WDR37: variants seen among roughly 807,000 people sequenced by gnomAD.
The protein encoded by WDR37 is WD repeat domain 37.
Under a neutral mutation model 62.9 loss-of-function variants are expected in WDR37, and 19 were observed. The ratio of observed to expected loss-of-function variants is 0.30; its 90% CI spans 0.21 to 0.44. The LOEUF is 0.44. WDR37 is among the 20% of genes least tolerant of loss of function. WDR37 has a pLI of 1.00. For missense variants in WDR37, 474 were observed against 657.6 expected (o/e 0.72, Z 3.05); for synonymous variants, 250 against 260.9 (o/e 0.96, Z 0.40).
chr10:1,089,635 A>T (rs1292671094), intron 7 of WDR37, among the ~76,000 whole-genome samples: 1 of 149,346 alleles, frequency 6.7e-6, no homozygotes, highest in African/African-American at 2.5e-5. Context: ...ATGCTCACCC[A>T]CAATTCAGCC....
rs191507541 is a variant in WDR37 at position 1,066,525 on chromosome 10, C to T, written c.-40-5591C>T. On this transcript the variant is annotated intron_variant, in intron 1 of 13. Transcript: ENST00000263150. ...CAGCATAATAAATATACCATTTCTCCCCAGATTGATGTACAGATTTAACAC... is the reference window on the plus strand; with the variant it reads ...CAGCATAATAAATATACCATTTCTCTCCAGATTGATGTACAGATTTAACAC... 3.3e-3 allele frequency among the ~76,000 whole-genome samples: 502 copies of T among 152,222 alleles called. 5 individuals are homozygous for T. Among genetic ancestry groups the T allele is most frequent in the African/African-American group, 0.011 (463 of 41,522 alleles).
intron 11 of WDR37, among the ~76,000 whole-genome samples, chr10:1,116,356 C>T (rs1835399428): frequency 6.6e-6 from 1 of 152,094 alleles, no homozygotes; most frequent in African/African-American, 2.4e-5. Flanking sequence ...CTCAGTCCTC[C>T]CGTCACCCAC....
chr10:1,103,747 T>C lies in WDR37; in HGVS notation c.872T>C (p.Val291Ala), dbSNP rs778168526. ...GTGGTCATCGCCTCCGACTGGCTGG[T>C]TGGGGGGAAGCAGGCTGTGACTGCC... is the stretch of plus-strand genomic sequence containing the variant. ...QGVVIASDWL[V>A]GGKQAVTASW... Residue 291 changes from valine to alanine, a missense_variant, in exon 10 of 14, where the codon GTT becomes GCT. Physicochemically the swap from Val to Ala is moderately conservative, Grantham distance 64. Coordinates refer to ENST00000263150, the MANE Select transcript of WDR37 (RefSeq NM_014023.4). The surrounding 1 kb of genome is among the most constrained non-coding windows in gnomAD (Gnocchi z 6.3). 1.1e-4 allele frequency: 179 copies of C among 1,613,994 alleles called. No homozygotes were observed. Among genetic ancestry groups the C allele is most frequent in the Non-Finnish European group, 1.5e-4 (173 of 1,180,020 alleles).
chr10:1,101,477 T>G lies in WDR37; in HGVS notation c.727-2125T>G, dbSNP rs370790876. Reference sequence around the variant, plus strand: ...TCTCATTTTACCTTAATTATCTCTTTAAAGCCCCTTTCTCCAAACAGCCCC... The same window carrying G: ...TCTCATTTTACCTTAATTATCTCTTGAAAGCCCCTTTCTCCAAACAGCCCC... On this transcript the variant is annotated intron_variant, in intron 9 of 13. Coordinates refer to ENST00000263150, the MANE Select transcript of WDR37 (RefSeq NM_014023.4). Among the ~76,000 whole-genome samples, 155 of 152,308 alleles carry G rather than the reference T, an allele frequency of 1.0e-3. 2 individuals carry two copies. The Middle Eastern group carries it at 0.02, about 20-fold the overall frequency.
intron 13 of WDR37, among the ~76,000 whole-genome samples, chr10:1,126,752 C>T (rs886866593): frequency 6.6e-5 from 10 of 152,242 alleles, no homozygotes; most frequent in African/African-American, 2.4e-4. Context: ...TGGGGGTTCT[C>T]TCAGCGCAGC....
chr10:1,122,193 T>A (rs181668895), intron 11 of WDR37, among the ~76,000 whole-genome samples: 59 of 152,190 alleles, frequency 3.9e-4, no homozygotes, highest in Admixed American at 2.0e-3. Context: ...TGGACCTCGA[T>A]GAGGGTAGAT....
At chr10:1,080,861 A>C (rs1353678290) in intron 5 of WDR37, among the ~76,000 whole-genome samples, 1 of 151,708 alleles carries the variant, frequency 6.6e-6, no homozygotes. Context: ...AGCCGAGCTT[A>C]CACCACCGCA....
chr10:1,067,704 GAT>G (rs1833596667), intron 1 of WDR37, among the ~76,000 whole-genome samples: 1 of 152,184 alleles, frequency 6.6e-6, no homozygotes, highest in South Asian at 2.1e-4. Context: ...ATCACAGTGA[GAT>G]ATTACACACC....
At chr10:1,083,053 T>C (rs1156319930) in intron 5 of WDR37, among the ~76,000 whole-genome samples, 1 of 152,178 alleles carries the variant, frequency 6.6e-6, no homozygotes, top group African/African-American at 2.4e-5. Context: ...AAAGTGAAAT[T>C]TACCACCGCT....
chr10:1,108,745 C>T lies in WDR37; in HGVS notation c.1103+3478C>T, dbSNP rs1012933202. ...TGGTTTTGGCTTCTGTGATGCCCCC[C>T]CCCCCCGTGGAACCTGCAGGGCCCT... On this transcript the variant is annotated intron_variant, in intron 11 of 13. Coordinates refer to ENST00000263150, the MANE Select transcript of WDR37 (RefSeq NM_014023.4). 1.4e-5 allele frequency among the ~76,000 whole-genome samples: 2 copies of T among 138,906 alleles called. 1 individual carries two copies. Among genetic ancestry groups the T allele is most frequent in the South Asian group, 4.8e-4 (2 of 4,134 alleles). The allele number at this position is 138,906 out of a possible 152,430, so 91.1% of individuals were successfully genotyped here.
Position 1,085,586 on chromosome 10 carries a change from C to T in WDR37, c.533-700C>T, listed in dbSNP as rs61831018. On this transcript the variant is annotated intron_variant, in intron 6 of 13. Coordinates refer to ENST00000263150, the MANE Select transcript of WDR37 (RefSeq NM_014023.4). Reference sequence around the variant, plus strand: ...TACAAATGATGCTCATTGAAAATGCCGTCCCAGCTTGTGAGACGTTAATCA... The same window carrying T: ...TACAAATGATGCTCATTGAAAATGCTGTCCCAGCTTGTGAGACGTTAATCA... 7.9e-3 allele frequency among the ~76,000 whole-genome samples: 1,209 copies of T among 152,230 alleles called. 13 individuals are homozygous for T. The highest frequency in any genetic ancestry group is 0.017 in the Middle Eastern group (5 of 294).
At chr10:1,122,289 A>G (rs1213116750) in intron 11 of WDR37, among the ~76,000 whole-genome samples, 1 of 152,204 alleles carries the variant, frequency 6.6e-6, no homozygotes, top group Non-Finnish European at 1.5e-5. Flanking sequence ...GGAAATTCAC[A>G]TGCTTATCAT....
chr10:1,122,778 A>G (rs926523908), intron 11 of WDR37, among the ~76,000 whole-genome samples: 3 of 152,226 alleles, frequency 2.0e-5, no homozygotes, highest in Non-Finnish European at 2.9e-5. Flanking sequence ...TGGTTAAGGT[A>G]ATCACCCCAG....
chr10:1,073,567 A>G (rs1485545777), intron 2 of WDR37, among the ~76,000 whole-genome samples: 1 of 152,210 alleles, frequency 6.6e-6, no homozygotes, highest in Non-Finnish European at 1.5e-5. Flanking sequence ...TAGCTTTGGT[A>G]TTCTTAGTGT....
At position 1,123,112 on chromosome 10, in the gene WDR37, C is replaced by G. The variant is rs2127608; in HGVS notation, c.1104-1106C>G. On this transcript the variant is annotated intron_variant, in intron 11 of 13. Coordinates refer to ENST00000263150, the MANE Select transcript of WDR37 (RefSeq NM_014023.4). Reference sequence around the variant, plus strand: ...CCATTTCAGGGCCTCTTCGGTTCCTCGAGCCTCTCCCTGAGGGCCACATAT... The same window carrying G: ...CCATTTCAGGGCCTCTTCGGTTCCTGGAGCCTCTCCCTGAGGGCCACATAT... Among the ~76,000 whole-genome samples, 73 of 152,064 alleles carry G rather than the reference C, an allele frequency of 4.8e-4. No individual in the cohort carries two copies. In the East Asian group the frequency reaches 0.013, roughly 27 times the overall value.
rs749128885 is a variant in WDR37 at position 1,077,919 on chromosome 10, C to G, written c.151C>G (p.Pro51Ala). ...TCTTCTTCTGCAGGATTCTAAACTG[C>G]CTTCCTCGGTTCGCAGTACACTTCT... ...DMLEGQDSKLPSSVRSTLLEL... is the reference protein window; with the variant it reads ...DMLEGQDSKLASSVRSTLLEL... Residue 51 changes from proline to alanine, a missense_variant, in exon 3 of 14, where the codon CCT becomes GCT. Physicochemically the swap from Pro to Ala is conservative, Grantham distance 27 (BLOSUM62 -1). Coordinates refer to ENST00000263150, the MANE Select transcript of WDR37 (RefSeq NM_014023.4). The G allele has an allele frequency of 6.2e-7, 1 of 1,610,406 alleles. No individual in the cohort carries two copies. Among genetic ancestry groups the G allele is most frequent in the Non-Finnish European group, 8.5e-7 (1 of 1,178,624 alleles).
intron 1 of WDR37, among the ~76,000 whole-genome samples, chr10:1,059,969 A>G (rs558692025): frequency 6.6e-6 from 1 of 152,126 alleles, no homozygotes; most frequent in Non-Finnish European, 1.5e-5. Context: ...CTCAGCCTCC[A>G]GGGTAGATGG....
At chr10:1,118,354 T>C (rs1004697161) in intron 11 of WDR37, among the ~76,000 whole-genome samples, 1 of 141,808 alleles carries the variant, frequency 7.1e-6, no homozygotes, top group African/African-American at 2.7e-5. Flanking sequence ...CTACTTGAAG[T>C]CCCTGCACAC....
At chr10:1,096,781 G>A (rs1834595433) in intron 9 of WDR37, among the ~76,000 whole-genome samples, 1 of 152,162 alleles carries the variant, frequency 6.6e-6, no homozygotes, top group African/African-American at 2.4e-5. Context: ...ACGTTTTCAG[G>A]GACCTGCTGG....
Sources: allele counts gnomAD v4.1 joint callset (sites outside exome capture counted in the v4.1 genomes callset), GRCh38; gene constraint gnomAD v4.1.1; non-coding constraint Gnocchi (gnomAD v3.1); transcripts MANE v1.5; gene names NCBI Gene and HGNC (gene_info 2026-07-23, HGNC 2026-07-21).